LRMDA: variants seen among roughly 807,000 people sequenced by gnomAD.
LRMDA encodes the protein leucine rich melanocyte differentiation associated, also known as leucine-rich melanocyte differentiation-associated protein.
A neutral mutation model predicts 29.8 loss-of-function variants in LRMDA; 18 were observed. The ratio of observed to expected loss-of-function variants is 0.60; its 90% confidence interval spans 0.42 to 0.90. The LOEUF (loss-of-function observed/expected upper bound fraction) is 0.90. Among genes scored for constraint, LRMDA ranks in the 40% least tolerant of loss-of-function variants. The pLI is 0.00. For missense variants in LRMDA, 273 were observed against 273.9 expected (o/e 1.00, Z 0.02); for synonymous variants, 125 against 109.4 (o/e 1.14, Z -0.89).
At position 75,628,178 on chromosome 10, in the gene LRMDA, T is replaced by G. The variant is rs540489159; in HGVS notation, c.131+189684T>G. ...ATGTATCTTTCCAATCTTTTTTCTG[T>G]GTATTTCCCTACACCTACAACTACT... is the stretch of plus-strand genomic sequence containing the variant. On this transcript the variant is annotated intron_variant, in intron 2 of 6. Transcript: ENST00000611255. 9.6e-4 allele frequency among the ~76,000 whole-genome samples: 146 copies of G among 152,326 alleles called. 2 individuals carry two copies. The South Asian group carries it at 0.021, about 22-fold the overall frequency.
In LRMDA at chr10:76,207,814, G is replaced by A. The variant is rs12778607; in HGVS notation, c.517-116587G>A. Reference sequence around the variant, plus strand: ...CCTCATTTCTACTAAAAACACAAAAGTTAGCTGGGCGTGGTGGCACATACC... The same window carrying A: ...CCTCATTTCTACTAAAAACACAAAAATTAGCTGGGCGTGGTGGCACATACC... On this transcript the variant is annotated intron_variant, in intron 5 of 6. Transcript: ENST00000611255. 9.9e-3 allele frequency among the ~76,000 whole-genome samples: 1,507 copies of A among 152,156 alleles called. 14 individuals carry two copies. Among genetic ancestry groups the A allele is most frequent in the Admixed American group, 0.019 (289 of 15,278 alleles).
chr10:75,758,324 C>T (rs905839518), intron 2 of LRMDA, among the ~76,000 whole-genome samples: 18 of 152,232 alleles, frequency 1.2e-4, no homozygotes, highest in African/African-American at 3.1e-4. Flanking sequence ...TAAGTTCTCA[C>T]GTCCAGTCTC....
intron 5 of LRMDA, among the ~76,000 whole-genome samples, chr10:76,073,683 G>T (rs1848911175): frequency 6.6e-6 from 1 of 152,098 alleles, no homozygotes; most frequent in Non-Finnish European, 1.5e-5. Context: ...AGGATTCCAG[G>T]GTGCCATTTT....
At chr10:76,271,373 A>G (rs1002617237) in intron 5 of LRMDA, among the ~76,000 whole-genome samples, 2 of 151,840 alleles carry the variant, frequency 1.3e-5, no homozygotes, top group African/African-American at 4.8e-5. Context: ...ATGCCACTGC[A>G]CTCCAGCCTG....
chr10:75,982,854 G>A lies in LRMDA; in HGVS notation c.132-53154G>A, dbSNP rs1414278941. ...GCTTCTATTGTTGAGCACCCACTAT[G>A]TGGCAGGCATTGTTCTAGACAGGTC... is the stretch of plus-strand genomic sequence containing the variant. On this transcript the variant is annotated intron_variant, in intron 2 of 6. Coordinates refer to ENST00000611255, the MANE Select transcript of LRMDA (RefSeq NM_001305581.2). 2.0e-5 allele frequency among the ~76,000 whole-genome samples: 3 copies of A among 152,234 alleles called. No individual in the cohort carries two copies. The East Asian group carries it at 5.8e-4, about 29-fold the overall frequency.
chr10:76,320,124 C>A (rs758305260), intron 5 of LRMDA, among the ~76,000 whole-genome samples: 5 of 152,206 alleles, frequency 3.3e-5, no homozygotes, highest in Admixed American at 1.3e-4. Flanking sequence ...TCGCTTTGCA[C>A]GTCTGTTGTA....
intron 2 of LRMDA, among the ~76,000 whole-genome samples, chr10:75,738,398 C>T (rs186327590): frequency 2.0e-5 from 3 of 152,292 alleles, no homozygotes; most frequent in Admixed American, 6.5e-5. Flanking sequence ...CACTATTGGA[C>T]TCTCCTTGTC....
intron 2 of LRMDA, among the ~76,000 whole-genome samples, chr10:75,879,584 G>C (rs183166372): frequency 9.2e-5 from 14 of 152,256 alleles, no homozygotes; most frequent in Non-Finnish European, 1.9e-4. Flanking sequence ...ATAAGGTCTG[G>C]GGGAAGGGAA....
intron 2 of LRMDA, among the ~76,000 whole-genome samples, chr10:75,494,457 A>G (rs1391071219): frequency 6.7e-6 from 1 of 150,338 alleles, no homozygotes; most frequent in Non-Finnish European, 1.5e-5. Flanking sequence ...ATTAGGTTCA[A>G]TTGCATAGGA....
intron 2 of LRMDA, among the ~76,000 whole-genome samples, chr10:75,458,193 A>G (rs1844542966): frequency 6.6e-6 from 1 of 152,270 alleles, no homozygotes; most frequent in African/African-American, 2.4e-5. Context: ...TGTAGAAGAT[A>G]TACTGAAAGA....
chr10:75,453,764 A>G (rs540909229), intron 2 of LRMDA, among the ~76,000 whole-genome samples: 5 of 152,290 alleles, frequency 3.3e-5, no homozygotes, highest in Middle Eastern at 3.4e-3. Context: ...GAGGAGATAG[A>G]TGGTTGGGCA....
chr10:75,505,020 A>C (rs757455721), intron 2 of LRMDA, among the ~76,000 whole-genome samples: 3 of 152,278 alleles, frequency 2.0e-5, no homozygotes, highest in Middle Eastern at 3.4e-3. Flanking sequence ...ATACAGATTA[A>C]CATCAGAAGA....
intron 2 of LRMDA, among the ~76,000 whole-genome samples, chr10:75,641,533 T>C (rs1047359884): frequency 6.6e-6 from 1 of 152,158 alleles, no homozygotes. Flanking sequence ...AGAGTCTCGC[T>C]GTCACTCAGG....
At chr10:76,126,795 A>G (rs373404406) in intron 5 of LRMDA, among the ~76,000 whole-genome samples, 5 of 152,206 alleles carry the variant, frequency 3.3e-5, no homozygotes, top group South Asian at 2.1e-4. Flanking sequence ...GTTAAAAACC[A>G]CAAGAGAGCT....
chr10:76,436,800 G>A (rs1842249497), intron 6 of LRMDA, among the ~76,000 whole-genome samples: 1 of 152,198 alleles, frequency 6.6e-6, no homozygotes, highest in South Asian at 2.1e-4. Flanking sequence ...ATAGGTCAGA[G>A]CAGGCTGTGT....
chr10:75,998,648 C>A (rs1327046436), intron 2 of LRMDA, among the ~76,000 whole-genome samples: 2 of 152,210 alleles, frequency 1.3e-5, no homozygotes, highest in Non-Finnish European at 2.9e-5. Flanking sequence ...GGTGACGATC[C>A]AGGGCCCAAG....
At chr10:76,528,359 G>A (rs543677410) in intron 6 of LRMDA, among the ~76,000 whole-genome samples, 286 of 152,068 alleles carry the variant, frequency 1.9e-3, no homozygotes, top group African/African-American at 6.2e-3. Context: ...GATTTAATAC[G>A]ATAGGCAAAT....
intron 2 of LRMDA, among the ~76,000 whole-genome samples, chr10:75,954,449 G>A (rs910647498): frequency 6.6e-6 from 1 of 152,218 alleles, no homozygotes; most frequent in Non-Finnish European, 1.5e-5. Flanking sequence ...ATCTCATGTT[G>A]CTAAAATGCA....
chr10:76,311,218 C>T (rs1282880195), intron 5 of LRMDA, among the ~76,000 whole-genome samples: 2 of 152,192 alleles, frequency 1.3e-5, no homozygotes, highest in East Asian at 1.9e-4. Context: ...TGCAGCAAAA[C>T]TCAAGTTTAT....
Sources: gnomAD v4.1 joint callset for allele counts (sites outside exome capture counted in the v4.1 genomes callset) on GRCh38, gnomAD v4.1.1 for gene constraint, MANE v1.5 for transcripts, NCBI Gene and HGNC (gene_info 2026-07-23, HGNC 2026-07-21) for gene names.